The following TTC29 variants were observed in gnomAD, a reference collection of about 807,000 sequenced individuals.
TTC29 encodes tetratricopeptide repeat protein 29.
Under a neutral mutation model 58.1 loss-of-function variants are expected in TTC29, and 49 were observed. The observed-to-expected ratio is 0.84, with a 90% CI of 0.67 to 1.07. The LOEUF (loss-of-function observed/expected upper bound fraction) is 1.07. TTC29 is among the 50% of genes least tolerant of loss of function. The pLI, the probability that TTC29 is intolerant of heterozygous loss-of-function variation, is 0.00. For synonymous variants in TTC29, 209 were observed against 196.8 expected, an observed-to-expected ratio of 1.06 and a Z score of -0.52; for missense variants, 582 against 555.6, an observed-to-expected ratio of 1.05 and a Z score of -0.48.
intron 4 of TTC29, among the ~76,000 whole-genome samples, chr4:146,933,842 C>A (rs1311095871): frequency 6.6e-6 from 1 of 152,158 alleles, no homozygotes; most frequent in East Asian, 1.9e-4. Flanking sequence ...TAAAATAAAC[C>A]CCCATCACTT....
chr4:146,907,837 A>G (rs1327283503), intron 5 of TTC29, among the ~76,000 whole-genome samples: 1 of 152,076 alleles, frequency 6.6e-6, no homozygotes, highest in Non-Finnish European at 1.5e-5. Flanking sequence ...TTTTATTTAC[A>G]ATAGTTAATT....
chr4:146,845,346 T>C (rs927612176), intron 8 of TTC29, among the ~76,000 whole-genome samples: 16 of 152,146 alleles, frequency 1.1e-4, no homozygotes, highest in Admixed American at 2.0e-4. Flanking sequence ...ACAGGTTACA[T>C]ACAATGATTA....
intron 10 of TTC29, among the ~76,000 whole-genome samples, chr4:146,808,428 T>A (rs922390806): frequency 6.6e-6 from 1 of 152,166 alleles, no homozygotes; most frequent in African/African-American, 2.4e-5. Context: ...AGTATTTGAA[T>A]AGGAAGAGAG....
chr4:146,865,152 G>A (rs1483417374), intron 8 of TTC29, among the ~76,000 whole-genome samples: 1 of 152,084 alleles, frequency 6.6e-6, no homozygotes, highest in Non-Finnish European at 1.5e-5. Flanking sequence ...TCATCCCTTG[G>A]ATGTCAAATA....
intron 9 of TTC29, among the ~76,000 whole-genome samples, chr4:146,821,603 T>C (rs576623250): frequency 2.0e-5 from 3 of 152,176 alleles, no homozygotes; most frequent in African/African-American, 7.2e-5. Flanking sequence ...ATTTGGCATA[T>C]AGTAAGCATT....
intron 11 of TTC29, among the ~76,000 whole-genome samples, chr4:146,712,005 C>CAATAAATAAATA (rs541582442): frequency 6.6e-6 from 1 of 151,652 alleles, no homozygotes; most frequent in African/African-American, 2.4e-5. Context: ...AAATCCCTTC[C>CAATAAATAAATA]AATAAATAAA....
intron 10 of TTC29, among the ~76,000 whole-genome samples, chr4:146,804,213 G>T (rs577402693): frequency 1.3e-5 from 2 of 152,168 alleles, no homozygotes; most frequent in African/African-American, 2.4e-5. Flanking sequence ...GTGCTCTGTG[G>T]CCCAGGTATT....
intron 11 of TTC29, among the ~76,000 whole-genome samples, chr4:146,798,619 G>A (rs1408448742): frequency 6.6e-6 from 1 of 151,984 alleles, no homozygotes; most frequent in African/African-American, 2.4e-5. Context: ...GGCTAGGCAT[G>A]GTGGCTCATG....
At chr4:146,867,835 T>C (rs1436515212) in intron 7 of TTC29, among the ~76,000 whole-genome samples, 2 of 152,102 alleles carry the variant, frequency 1.3e-5, no homozygotes, top group East Asian at 3.9e-4. Flanking sequence ...CTCATACCAT[T>C]TGGCAAATAT....
At chr4:146,789,015 T>C (rs1370757177) in intron 11 of TTC29, among the ~76,000 whole-genome samples, 2 of 152,166 alleles carry the variant, frequency 1.3e-5, no homozygotes, top group African/African-American at 4.8e-5. Context: ...AAGCACTGAT[T>C]TGAAGTGCTT....
At chr4:146,864,617 T>A (rs948708545) in intron 8 of TTC29, among the ~76,000 whole-genome samples, 1 of 152,178 alleles carries the variant, frequency 6.6e-6, no homozygotes, top group Non-Finnish European at 1.5e-5. Flanking sequence ...TCAGCAGGGC[T>A]GTGATCTTTT....
intron 7 of TTC29, among the ~76,000 whole-genome samples, chr4:146,873,849 T>A (rs12512265): frequency 0.12 from 18,902 of 152,168 alleles, 1,458 homozygotes; most frequent in East Asian, 0.2. Flanking sequence ...TGCTCACTCT[T>A]AATAAGCCAT....
At chr4:146,942,608 CCA>C (rs1553945429) in intron 2 of TTC29, 5 of 1,533,694 alleles carry the variant, frequency 3.3e-6, no homozygotes, top group South Asian at 1.2e-5. Flanking sequence ...GAAGACTTTT[CCA>C]CAGAGTTCCA....
At chr4:146,758,410 C>T (rs113124981) in intron 11 of TTC29, among the ~76,000 whole-genome samples, 1 of 152,106 alleles carries the variant, frequency 6.6e-6, no homozygotes, top group Non-Finnish European at 1.5e-5. Context: ...CAATACTCCA[C>T]TGACAGCACT....
intron 9 of TTC29, 102 bp from the exon 10 acceptor site, chr4:146,820,350 T>G: frequency 1.5e-6 from 2 of 1,295,364 alleles, no homozygotes; most frequent in Non-Finnish European, 2.1e-6. Flanking sequence ...GCAAGATGGT[T>G]ATCAGGATAA....
At chr4:146,774,062 A>G (rs191415377) in intron 11 of TTC29, among the ~76,000 whole-genome samples, 20 of 152,010 alleles carry the variant, frequency 1.3e-4, no homozygotes, top group African/African-American at 3.6e-4. Flanking sequence ...GGTTACTTGT[A>G]TATGTGTGGT....
At chr4:146,899,590 C>T (rs1312596935) in intron 6 of TTC29, among the ~76,000 whole-genome samples, 3 of 152,154 alleles carry the variant, frequency 2.0e-5, no homozygotes, top group Non-Finnish European at 4.4e-5. Flanking sequence ...ATGCCGCACA[C>T]CAAAGACCCA....
At chr4:146,869,109 A>AC (rs1730761307) in intron 7 of TTC29, among the ~76,000 whole-genome samples, 1 of 147,148 alleles carries the variant, frequency 6.8e-6, no homozygotes, top group African/African-American at 2.6e-5. Flanking sequence ...AAAAAAAAAA[A>AC]AAAAAAAAAA....
chr4:146,823,118 T>C (rs1751955261), intron 9 of TTC29, among the ~76,000 whole-genome samples: 3 of 152,314 alleles, frequency 2.0e-5, no homozygotes, highest in South Asian at 2.1e-4. Flanking sequence ...TTAGATCCCA[T>C]TTGTGAATTT....
Sources: gnomAD v4.1 joint callset for allele counts (sites outside exome capture counted in the v4.1 genomes callset) on GRCh38, gnomAD v4.1.1 for gene constraint, MANE v1.5 for transcripts, NCBI Gene and HGNC (gene_info 2026-07-23, HGNC 2026-07-21) for gene names.